Variants in TLN2 observed in about 807,000 individuals in gnomAD.
TLN2 encodes talin 2, also known as talin-2.
Under a neutral mutation model 294.7 loss-of-function variants are expected in TLN2, and 118 were observed. That is an observed-to-expected ratio of 0.40 (90% confidence interval 0.34 to 0.47). TLN2 has a LOEUF of 0.47. Among genes scored for constraint, TLN2 ranks in the 20% least tolerant of loss-of-function variants. The pLI, the probability that TLN2 is intolerant of heterozygous loss-of-function variation, is 0.84. For synonymous variants in TLN2, 1,431 were observed against 1,304.5 expected (o/e 1.10, Z -2.09); for missense variants, 3,083 against 3,282.2 (o/e 0.94, Z 1.48).
At chr15:62,500,262 C>T (rs1376279735) in intron 1 of TLN2, among the ~76,000 whole-genome samples, 1 of 152,140 alleles carries the variant, frequency 6.6e-6, no homozygotes, top group Non-Finnish European at 1.5e-5. Flanking sequence ...TGCTTGAACC[C>T]AGGAGATGGA....
At chr15:62,551,410 G>A (rs1275842141) in intron 1 of TLN2, among the ~76,000 whole-genome samples, 2 of 152,032 alleles carry the variant, frequency 1.3e-5, no homozygotes, top group Non-Finnish European at 2.9e-5. Context: ...GGTGGTTCAC[G>A]CCTGTAATCT....
At chr15:62,703,617 A>ACG (rs1567403278) in intron 19 of TLN2, among the ~76,000 whole-genome samples, 1 of 105,892 alleles carries the variant, frequency 9.4e-6, no homozygotes, top group Non-Finnish European at 2.0e-5. Flanking sequence ...ACACACACAC[A>ACG]CACACGCGCG....
At chr15:62,630,011 C>CT (rs1412657639) in intron 3 of TLN2, among the ~76,000 whole-genome samples, 1 of 152,072 alleles carries the variant, frequency 6.6e-6, no homozygotes, top group Non-Finnish European at 1.5e-5. Context: ...AGGAAATTAT[C>CT]TTTTTTTGTT....
chr15:62,436,086 G>A lies in TLN2; in HGVS notation c.-238+45401G>A, dbSNP rs148261692. Among the ~76,000 whole-genome samples the A allele has an allele frequency of 2.8e-3, 423 of 152,212 alleles. 2 individuals are homozygous for A. Among genetic ancestry groups the A allele is most frequent in the Middle Eastern group, 6.8e-3 (2 of 294 alleles). ...ACTTACGTCACAAACACATTTCTCC[G>A]TACTTCCCATTGCTTTCTGCATCAC... On this transcript the variant is annotated intron_variant, in intron 1 of 58. Coordinates refer to ENST00000636159, the MANE Select transcript of TLN2 (RefSeq NM_015059.3).
chr15:62,622,475 G>T (rs908236647), intron 3 of TLN2, among the ~76,000 whole-genome samples: 2 of 152,112 alleles, frequency 1.3e-5, no homozygotes, highest in Non-Finnish European at 2.9e-5. Flanking sequence ...TGTGTGATCT[G>T]TCCTGTTATG....
At chr15:62,781,053 T>C (rs552816486) in intron 43 of TLN2, 87 bp from the exon 44 acceptor site, 79 of 1,011,514 alleles carry the variant, frequency 7.8e-5, no homozygotes, top group Non-Finnish European at 1.0e-4. Flanking sequence ...GCCCTCTCTG[T>C]TTTTCAAAGT....
chr15:62,772,505 G>T (rs1047894161), intron 42 of TLN2, among the ~76,000 whole-genome samples: 1 of 152,142 alleles, frequency 6.6e-6, no homozygotes, highest in Non-Finnish European at 1.5e-5. Context: ...CACCCTCAAA[G>T]GGGTGCCTCC....
At chr15:62,394,241 T>C (rs909776149) in intron 1 of TLN2, among the ~76,000 whole-genome samples, 4 of 152,234 alleles carry the variant, frequency 2.6e-5, no homozygotes, top group South Asian at 2.1e-4. Flanking sequence ...GTGTGTGGCA[T>C]GTCCAGACTC....
chr15:62,791,398 C>G (rs986305916), intron 45 of TLN2, among the ~76,000 whole-genome samples: 3 of 152,126 alleles, frequency 2.0e-5, no homozygotes, highest in Non-Finnish European at 2.9e-5. Flanking sequence ...AGAGCAGAAG[C>G]TCAACTTTGT....
In TLN2 at chr15:62,805,749, C is replaced by T. The variant is rs1316502494; in HGVS notation, c.6627C>T (p.Ser2209=). The T allele has an allele frequency of 6.2e-7, 1 of 1,613,824 alleles. No homozygotes were observed. Among genetic ancestry groups the T allele is most frequent in the Non-Finnish European group, 8.5e-7 (1 of 1,179,916 alleles). The part of the protein sequence containing the change: ...QEDVIATANL[S]RKAVSDMLTA... Reference sequence around the variant, plus strand: ...ACGTGATTGCTACTGCCAACCTGAGCCGGAAAGCCGTGTCAGATATGTTGA... The same window carrying T: ...ACGTGATTGCTACTGCCAACCTGAGTCGGAAAGCCGTGTCAGATATGTTGA... Residue 2209 remains serine, a synonymous_variant, in exon 51 of 59, where the codon AGC becomes AGT. Transcript: ENST00000636159.
At chr15:62,472,057 T>C (rs1434287460) in intron 1 of TLN2, among the ~76,000 whole-genome samples, 1 of 152,176 alleles carries the variant, frequency 6.6e-6, no homozygotes, top group Admixed American at 6.5e-5. Context: ...CAGACTTAGA[T>C]GCTCACCTGA....
chr15:62,697,984 C>A, intron 15 of TLN2, 116 bp downstream of exon 15: 1 of 1,303,578 alleles, frequency 7.7e-7, no homozygotes, highest in Non-Finnish European at 1.0e-6. Flanking sequence ...CCCGGCTGAA[C>A]CATGCCTCGT....
At chr15:62,648,404 CAAAAAAAAAAA>C (rs66528062) in intron 4 of TLN2, among the ~76,000 whole-genome samples, 136 of 61,912 alleles carry the variant, frequency 2.2e-3, no homozygotes, top group African/African-American at 8.2e-3. Flanking sequence ...GACCCTGACT[CAAAAAAAAAAA>C]AAAAAAAAAA....
At chr15:62,836,537 C>CG (rs1309947620) in intron 57 of TLN2, among the ~76,000 whole-genome samples, 11 of 152,172 alleles carry the variant, frequency 7.2e-5, no homozygotes, top group Admixed American at 1.3e-4. Flanking sequence ...GTTACTAACT[C>CG]GGTGCCTGCT....
At chr15:62,395,260 G>T (rs964084977) in intron 1 of TLN2, among the ~76,000 whole-genome samples, 5 of 150,836 alleles carry the variant, frequency 3.3e-5, no homozygotes, top group African/African-American at 1.2e-4. Flanking sequence ...AGAATGTGAT[G>T]AAATAGTAAC....
chr15:62,827,717 G>A (rs142593151), intron 54 of TLN2: 1 of 152,148 alleles, frequency 6.6e-6, no homozygotes, highest in Non-Finnish European at 1.5e-5. Flanking sequence ...ACATAACAGG[G>A]TTTAGACAGA....
At chr15:62,509,117 G>C (rs1340147140) in intron 1 of TLN2, among the ~76,000 whole-genome samples, 2 of 152,224 alleles carry the variant, frequency 1.3e-5, no homozygotes, top group African/African-American at 4.8e-5. Context: ...GTTGGACCAA[G>C]ATGGTCTGGC....
chr15:62,532,053 C>CTTTTCT (rs1555424289), intron 1 of TLN2, among the ~76,000 whole-genome samples: 9,362 of 144,760 alleles, frequency 0.065, 605 homozygotes, highest in African/African-American at 0.17. Context: ...TTTCTCTTTT[C>CTTTTCT]TTTTTTTTTT....
At chr15:62,455,500 G>GT (rs1186552453) in intron 1 of TLN2, among the ~76,000 whole-genome samples, 2 of 152,256 alleles carry the variant, frequency 1.3e-5, no homozygotes, top group Non-Finnish European at 2.9e-5. Flanking sequence ...GTTTTTGTTT[G>GT]TTTTTTTAAC....
Sources: gnomAD v4.1 joint callset for allele counts (sites outside exome capture counted in the v4.1 genomes callset) on GRCh38, gnomAD v4.1.1 for gene constraint, MANE v1.5 for transcripts, NCBI Gene and HGNC (gene_info 2026-07-23, HGNC 2026-07-21) for gene names.